Variants in PRH1 observed in about 807,000 individuals in gnomAD.
PRH1 encodes salivary acidic proline-rich phosphoprotein 1/2.
A neutral mutation model predicts 7.9 loss-of-function variants in PRH1; 7 were observed. The observed-to-expected ratio is 0.89, with a 90% CI of 0.50 to 1.67. PRH1 has a LOEUF of 1.67. Ranked by LOEUF, PRH1 falls within the 40% of genes most tolerant of loss-of-function variation. PRH1 has a pLI of 0.00. For synonymous variants in PRH1, 45 were observed against 80.8 expected (o/e 0.56, Z 2.38); for missense variants, 109 against 223.6 (o/e 0.49, Z 3.27).
intron 2 of PRH1, among the ~76,000 whole-genome samples, chr12:10,915,905 T>C (rs951128932): frequency 2.0e-5 from 3 of 152,184 alleles, no homozygotes; most frequent in Non-Finnish European, 4.4e-5. Context: ...CATTTGCAAA[T>C]AAACTTTTAA....
intron 1 of PRH1, among the ~76,000 whole-genome samples, chr12:11,167,155 G>A (rs541970556): frequency 4.6e-5 from 7 of 152,228 alleles, no homozygotes; most frequent in Admixed American, 6.5e-5. Context: ...CCATTATTCT[G>A]CCTCCTATAC....
intron 1 of PRH1, among the ~76,000 whole-genome samples, chr12:11,032,492 T>C (rs1184363354): frequency 6.6e-6 from 1 of 152,208 alleles, no homozygotes; most frequent in Non-Finnish European, 1.5e-5. Context: ...CTCATAAATA[T>C]GCACACAAAT....
At chr12:11,093,970 C>T (rs1244162365) in intron 1 of PRH1, among the ~76,000 whole-genome samples, 1 of 114,234 alleles carries the variant, frequency 8.8e-6, no homozygotes, top group Non-Finnish European at 2.1e-5. Context: ...AAAACTCTAA[C>T]GTCCTCCAAG....
At chr12:11,101,579 A>G (rs1945248994) in intron 1 of PRH1, among the ~76,000 whole-genome samples, 1 of 152,196 alleles carries the variant, frequency 6.6e-6, no homozygotes, top group South Asian at 2.1e-4. Flanking sequence ...TCTAATTACA[A>G]TGATATCTAT....
At chr12:11,168,200 C>T (rs958411421) in intron 1 of PRH1, among the ~76,000 whole-genome samples, 2 of 36,328 alleles carry the variant, frequency 5.5e-5, no homozygotes, top group Non-Finnish European at 7.9e-5. Flanking sequence ...TGGCAAAAAA[C>T]GAAAGAAAGA....
chr12:11,012,881 AGAAGG>A (rs1347912754), intron 1 of PRH1, among the ~76,000 whole-genome samples: 3 of 152,280 alleles, frequency 2.0e-5, no homozygotes, highest in African/African-American at 7.2e-5. Flanking sequence ...AGCAGAATAC[AGAAGG>A]TTCAGAAAGG....
intron 2 of PRH1, among the ~76,000 whole-genome samples, chr12:10,926,338 AC>A (rs745525758): frequency 1.0e-3 from 157 of 152,322 alleles, no homozygotes; most frequent in African/African-American, 1.8e-3. Context: ...TTCCTGGCAA[AC>A]CATCCTTCAG....
chr12:11,147,831 T>C (rs957492593), intron 1 of PRH1, among the ~76,000 whole-genome samples: 2 of 152,160 alleles, frequency 1.3e-5, no homozygotes, highest in African/African-American at 2.4e-5. Flanking sequence ...AAGAAAGTCA[T>C]TGTTAGCTTG....
chr12:11,133,194 G>C (rs1565687766), intron 1 of PRH1: 1 of 1,478,250 alleles, frequency 6.8e-7, no homozygotes, highest in Non-Finnish European at 9.0e-7. Context: ...GACTTTTCTA[G>C]GTATACATGT....
At chr12:10,924,434 T>C (rs1398117382) in intron 2 of PRH1, among the ~76,000 whole-genome samples, 1 of 152,244 alleles carries the variant, frequency 6.6e-6, no homozygotes, top group Non-Finnish European at 1.5e-5. Flanking sequence ...TGGTATTTCA[T>C]GTAGTTGCCA....
chr12:10,908,182 T>C (rs1240133262), intron 2 of PRH1: 1 of 464,736 alleles, frequency 2.2e-6, no homozygotes, highest in Non-Finnish European at 3.7e-6. Context: ...AAATTCCTAA[T>C]AATGTAGAAA....
At chr12:10,968,111 TAAAC>T (rs2135945269) in intron 2 of PRH1, among the ~76,000 whole-genome samples, 1 of 138,464 alleles carries the variant, frequency 7.2e-6, no homozygotes, top group African/African-American at 2.7e-5. Context: ...ATAAAAATAA[TAAAC>T]AAAAATAATA....
At chr12:10,953,522 A>C (rs1014435540) in intron 2 of PRH1, among the ~76,000 whole-genome samples, 2 of 152,268 alleles carry the variant, frequency 1.3e-5, no homozygotes, top group Non-Finnish European at 2.9e-5. Flanking sequence ...TCAGAGCTCA[A>C]GAGTAGTCCT....
At chr12:11,119,239 G>A (rs1019935592), downstream of PRH1, among the ~76,000 whole-genome samples, 1 of 151,938 alleles carries the variant, frequency 6.6e-6, no homozygotes, top group African/African-American at 2.4e-5. Context: ...CGTGGACATA[G>A]AGAGTACATA....
chr12:11,079,518 G>A (rs1244844182), intron 1 of PRH1, among the ~76,000 whole-genome samples: 1 of 119,574 alleles, frequency 8.4e-6, no homozygotes, highest in Admixed American at 8.3e-5. Flanking sequence ...TTAGAAAAAT[G>A]AAATTCAAAG....
intron 2 of PRH1, chr12:10,965,189 C>T (rs969123746): frequency 7.7e-5 from 114 of 1,486,778 alleles, no homozygotes; most frequent in Admixed American, 1.6e-4. Context: ...CAAACCAACT[C>T]TGGAGACTGC....
At chr12:11,010,037 T>C (rs1940997635) in intron 1 of PRH1, among the ~76,000 whole-genome samples, 1 of 151,940 alleles carries the variant, frequency 6.6e-6, no homozygotes, top group African/African-American at 2.4e-5. Context: ...CCTTTCTAAT[T>C]AAGGAATTTT....
chr12:11,069,394 A>G (rs1393743013), intron 1 of PRH1, among the ~76,000 whole-genome samples: 1 of 151,592 alleles, frequency 6.6e-6, no homozygotes, highest in Non-Finnish European at 1.5e-5. Flanking sequence ...TCACCAACAC[A>G]ACAGGCATCA....
intron 1 of PRH1, among the ~76,000 whole-genome samples, chr12:11,032,239 G>A (rs1327912087): frequency 1.3e-5 from 2 of 152,168 alleles, no homozygotes; most frequent in East Asian, 1.9e-4. Flanking sequence ...GACTTCAGTT[G>A]TTAGGGAAGT....
Sources: allele counts gnomAD v4.1 joint callset (sites outside exome capture counted in the v4.1 genomes callset), GRCh38; gene constraint gnomAD v4.1.1; transcripts MANE v1.5; gene names NCBI Gene and HGNC (gene_info 2026-07-23, HGNC 2026-07-21).